Variants in RAF1 observed in about 807,000 individuals in gnomAD.
RAF1 encodes the protein Raf-1 proto-oncogene, serine/threonine kinase.
A neutral mutation model predicts 81.1 loss-of-function variants in RAF1; 27 were observed. The observed-to-expected ratio is 0.33, with a 90% CI of 0.25 to 0.46. The LOEUF (loss-of-function observed/expected upper bound fraction) is 0.46. RAF1 is among the 20% of genes least tolerant of loss of function. The pLI is 1.00. For missense variants in RAF1, 598 were observed against 826.0 expected, an observed-to-expected ratio of 0.72 and a Z score of 3.38; for synonymous variants, 298 against 294.0, an observed-to-expected ratio of 1.01 and a Z score of -0.14.
chr3:12,622,865 T>C (rs1475212801), intron 1 of RAF1, among the ~76,000 whole-genome samples: 1 of 152,180 alleles, frequency 6.6e-6, no homozygotes, highest in African/African-American at 2.4e-5. Flanking sequence ...GGTACATCTT[T>C]AAAAAATACT....
chr3:12,639,904 T>C (rs1254362070), intron 1 of RAF1, among the ~76,000 whole-genome samples: 1 of 152,160 alleles, frequency 6.6e-6, no homozygotes, highest in East Asian at 1.9e-4. Context: ...AGAGCCTGCA[T>C]TGCCAAGACA....
In RAF1 at chr3:12,612,301, A is replaced by G. The variant is rs5746195; in HGVS notation, c.208-239T>C. Among the ~76,000 whole-genome samples the G allele has an allele frequency of 0.21, 32,108 of 152,162 alleles. 3,644 individuals carry two copies. Among genetic ancestry groups the G allele is most frequent in the African/African-American group, 0.29 (12,016 of 41,478 alleles). On this transcript the variant is annotated intron_variant, in intron 2 of 17. Transcript: ENST00000442415. ...TAATGACCTGGATGGAGAGGAGTCC[A>G]TGATATATTAATTGGGGGAAAATAT...
At chr3:12,640,479 G>C (rs1226188954) in intron 1 of RAF1, among the ~76,000 whole-genome samples, 1 of 151,852 alleles carries the variant, frequency 6.6e-6, no homozygotes, top group Non-Finnish European at 1.5e-5. Context: ...TCTGACAAAG[G>C]GCTAATATCT....
At position 12,584,071 on chromosome 3, in the gene RAF1, ACT is replaced by A. The variant is rs1161571191; in HGVS notation, c.*441_*442del. ...TGTGCAAAATGTCTGGCGCTGCACC[ACT>A]CTCTGAAGAAAGTCCCGCCTGTGAC... On this transcript the variant is annotated 3_prime_UTR_variant, in exon 18 of 18. Coordinates refer to ENST00000442415, the MANE Select transcript of RAF1 (RefSeq NM_001354689.3). 3.2e-6 allele frequency: 1 copy of A among 313,064 alleles called. No individual in the cohort carries two copies. Among genetic ancestry groups the A allele is most frequent in the Admixed American group, 4.5e-5 (1 of 22,014 alleles). The allele number at this position is 313,064 out of a possible 1,614,324, so 19.4% of individuals were successfully genotyped here.
Position 12,586,145 on chromosome 3 carries a change from C to CAG in RAF1, c.1478-348_1478-347dup, listed in dbSNP as rs2058326303. Among the ~76,000 whole-genome samples the CAG allele has an allele frequency of 4.6e-5, 7 of 152,324 alleles. No individual in the cohort carries two copies. The South Asian group carries it at 1.4e-3, about 32-fold the overall frequency. On this transcript the variant is annotated intron_variant, in intron 14 of 17. Transcript: ENST00000442415. ...GTACTTGAAACCCTAACAGGATGAG[C>CAG]AGAGGCCACACTCCAGTGCTCCCCA...
intron 5 of RAF1, among the ~76,000 whole-genome samples, chr3:12,607,572 C>G (rs1305712699): frequency 6.6e-6 from 1 of 151,898 alleles, no homozygotes; most frequent in Non-Finnish European, 1.5e-5. Flanking sequence ...TACTTGAACC[C>G]GAGAGGTCGA....
intron 2 of RAF1, among the ~76,000 whole-genome samples, chr3:12,613,043 T>C: frequency 6.6e-6 from 1 of 152,036 alleles, no homozygotes; most frequent in Non-Finnish European, 1.5e-5. Context: ...CAAACACCAA[T>C]CTTAGTTTAA....
At chr3:12,609,159 T>C (rs2059131891) in intron 4 of RAF1, 74 bp downstream of exon 4, 1 of 1,181,810 alleles carries the variant, frequency 8.5e-7, no homozygotes. Context: ...TACATACGCA[T>C]ATTACCTGAG....
intron 1 of RAF1, among the ~76,000 whole-genome samples, chr3:12,658,220 C>A (rs1422758200): frequency 1.3e-5 from 2 of 152,090 alleles, no homozygotes; most frequent in East Asian, 1.9e-4. Context: ...TACATACATA[C>A]CCATGATCAA....
At chr3:12,638,860 A>C (rs1371447666) in intron 1 of RAF1, among the ~76,000 whole-genome samples, 1 of 152,232 alleles carries the variant, frequency 6.6e-6, no homozygotes, top group African/African-American at 2.4e-5. Flanking sequence ...ACACGGCCTA[A>C]AAATACAAAA....
intron 1 of RAF1, among the ~76,000 whole-genome samples, chr3:12,655,563 C>T (rs1275484660): frequency 6.6e-6 from 1 of 152,168 alleles, no homozygotes; most frequent in Non-Finnish European, 1.5e-5. Context: ...TCCAGTAATT[C>T]TACTCCTGTG....
chr3:12,652,350 G>A (rs537651693), intron 1 of RAF1, among the ~76,000 whole-genome samples: 23 of 150,326 alleles, frequency 1.5e-4, no homozygotes, highest in South Asian at 4.2e-4. Context: ...GTGAAGCCCC[G>A]TCTCTACTAA....
intron 1 of RAF1, among the ~76,000 whole-genome samples, chr3:12,659,047 A>G (rs2060789064): frequency 6.6e-6 from 1 of 152,162 alleles, no homozygotes; most frequent in Non-Finnish European, 1.5e-5. Context: ...TGACTCAAAC[A>G]TTGTAAAATT....
chr3:12,593,710 T>G (rs1172041068), intron 11 of RAF1, among the ~76,000 whole-genome samples: 1 of 151,542 alleles, frequency 6.6e-6, no homozygotes, highest in Non-Finnish European at 1.5e-5. Context: ...TGCATAAGTG[T>G]CCATTCTGGT....
At chr3:12,621,014 T>A (rs1028941251) in intron 1 of RAF1, among the ~76,000 whole-genome samples, 1 of 152,084 alleles carries the variant, frequency 6.6e-6, no homozygotes, top group Non-Finnish European at 1.5e-5. Flanking sequence ...TTAGAAAACT[T>A]TGAGGTTGAT....
At chr3:12,623,563 C>T (rs1031919069) in intron 1 of RAF1, among the ~76,000 whole-genome samples, 8 of 152,010 alleles carry the variant, frequency 5.3e-5, no homozygotes, top group Admixed American at 2.0e-4. Flanking sequence ...TTAGGGAGGC[C>T]GAGGCAGATG....
intron 1 of RAF1, among the ~76,000 whole-genome samples, chr3:12,626,096 T>C (rs1187955924): frequency 6.6e-6 from 1 of 151,350 alleles, no homozygotes; most frequent in Non-Finnish European, 1.5e-5. Context: ...TGAAACCCTA[T>C]TTCTACTAAA....
At chr3:12,616,611 T>C (rs2125446364) in intron 2 of RAF1, among the ~76,000 whole-genome samples, 1 of 152,308 alleles carries the variant, frequency 6.6e-6, no homozygotes, top group Middle Eastern at 3.4e-3. Context: ...TATTCAACAC[T>C]ACACTTGGGA....
At chr3:12,633,088 A>G (rs991514287) in intron 1 of RAF1, among the ~76,000 whole-genome samples, 1 of 152,310 alleles carries the variant, frequency 6.6e-6, no homozygotes, top group Admixed American at 6.5e-5. Flanking sequence ...CCATGCACCC[A>G]AAGATTCCAA....
Sources: gnomAD v4.1 joint callset for allele counts (sites outside exome capture counted in the v4.1 genomes callset) on GRCh38, gnomAD v4.1.1 for gene constraint, MANE v1.5 for transcripts, NCBI Gene and HGNC (gene_info 2026-07-23, HGNC 2026-07-21) for gene names.